KCNIP3: variants seen among roughly 807,000 people sequenced by gnomAD.
The protein encoded by KCNIP3 is potassium voltage-gated channel interacting protein 3.
In KCNIP3, 28 loss-of-function variants were observed where a neutral mutation model predicts 35.0. The observed-to-expected ratio is 0.80, with a 90% CI of 0.59 to 1.10. KCNIP3 has a LOEUF of 1.10. Among genes scored for constraint, KCNIP3 ranks in the 50% least tolerant of loss-of-function variants. The pLI, the probability that KCNIP3 is intolerant of heterozygous loss-of-function variation, is 0.00. For synonymous variants in KCNIP3, 134 were observed against 133.8 expected, an observed-to-expected ratio of 1.00 and a Z score of -0.01; for missense variants, 295 against 338.4, an observed-to-expected ratio of 0.87 and a Z score of 1.01.
intron 2 of KCNIP3, among the ~76,000 whole-genome samples, chr2:95,337,972 G>A (rs1483954792): frequency 6.6e-6 from 1 of 152,208 alleles, no homozygotes; most frequent in East Asian, 1.9e-4. Context: ...TGGAGGTGGT[G>A]GGGGAAGCAG....
intron 2 of KCNIP3, among the ~76,000 whole-genome samples, chr2:95,318,575 A>G (rs1469478110): frequency 6.6e-6 from 1 of 152,116 alleles, no homozygotes; most frequent in Non-Finnish European, 1.5e-5. Context: ...TGGGTGATCC[A>G]CAGCCAGCCA....
At chr2:95,366,153 A>G (rs915426247) in intron 2 of KCNIP3, among the ~76,000 whole-genome samples, 4 of 152,062 alleles carry the variant, frequency 2.6e-5, no homozygotes, top group African/African-American at 9.7e-5. Flanking sequence ...GCACCTGGCG[A>G]TATAGAACAA....
At position 95,382,584 on chromosome 2, in the gene KCNIP3, C is replaced by A; in HGVS notation, c.660+103C>A. 1.4e-6 allele frequency: 1 copy of A among 735,430 alleles called. No homozygotes were observed. The highest frequency in any genetic ancestry group is 2.2e-6 in the Non-Finnish European group (1 of 457,152). The allele number at this position is 735,430 out of a possible 1,614,324, so 45.6% of individuals were successfully genotyped here. ...AAGTGGCTTGCCCCTCTGAGCCTCC[C>A]TACTCCCCATGAGGAGGTTAAACTT... On this transcript the variant is annotated intron_variant, in intron 7 of 8. Coordinates refer to ENST00000295225, the MANE Select transcript of KCNIP3 (RefSeq NM_013434.5). This position sits in a 1 kb window ranked among gnomAD's most constrained non-coding sequence, Gnocchi z 4.5.
At chr2:95,327,374 T>C (rs1678820442) in intron 2 of KCNIP3, among the ~76,000 whole-genome samples, 1 of 151,930 alleles carries the variant, frequency 6.6e-6, no homozygotes, top group Non-Finnish European at 1.5e-5. Context: ...CTCACACACA[T>C]TCACACACAC....
chr2:95,310,874 C>A, intron 2 of KCNIP3: 1 of 329,960 alleles, frequency 3.0e-6, no homozygotes, highest in Non-Finnish European at 5.8e-6. Context: ...CCTCATTGAT[C>A]CTTTCTAAGC....
At chr2:95,359,558 G>A (rs1304598634) in intron 2 of KCNIP3, among the ~76,000 whole-genome samples, 1 of 152,176 alleles carries the variant, frequency 6.6e-6, no homozygotes, top group Non-Finnish European at 1.5e-5. Flanking sequence ...GGTCACGCTG[G>A]TAGCTCTGCA....
rs1680456754 is a variant in KCNIP3, at chr2:95,384,897, C to G, written c.*848C>G. 1 of 152,410 alleles carries G rather than the reference C, an allele frequency of 6.6e-6. No individual in the cohort carries two copies. Among genetic ancestry groups the G allele is most frequent in the African/African-American group, 2.4e-5 (1 of 41,460 alleles). The allele number at this position is 152,410 out of a possible 1,614,324, so 9.4% of individuals were successfully genotyped here. Reference sequence around the variant, plus strand: ...AATGCAGTGGGTGGGGCTGTACACACCCTCCAGCACAGACTGTTCCCTCCA... The same window carrying G: ...AATGCAGTGGGTGGGGCTGTACACAGCCTCCAGCACAGACTGTTCCCTCCA... On this transcript the variant is annotated 3_prime_UTR_variant, in exon 9 of 9. Transcript: ENST00000295225.
intron 2 of KCNIP3, among the ~76,000 whole-genome samples, chr2:95,326,110 TACAC>T (rs1049702866): frequency 2.0e-5 from 3 of 150,334 alleles, no homozygotes; most frequent in Non-Finnish European, 3.0e-5. Flanking sequence ...CATATACACA[TACAC>T]ATACACGCAC....
Position 95,374,303 on chromosome 2 carries a change from C to T in KCNIP3, c.189C>T (p.Ser63=), listed in dbSNP as rs368408153. The change falls in exon 3 of 9, where the codon AGC becomes AGT. Residue 63 remains serine, a synonymous_variant. Transcript: ENST00000295225. ...GTCTGTGTCCCACTCCAGATAGCAG[C>T]GACAGTGAGCTGGAGCTGTCCACGG... is the stretch of plus-strand genomic sequence containing the variant. ...SSTAPQGSDS[S]DSELELSTVR... is the part of the protein sequence containing the mutation. 2.2e-5 allele frequency: 36 copies of T among 1,613,692 alleles called. No homozygotes were observed. The African/African-American group carries it at 2.8e-4, about 13-fold the overall frequency.
chr2:95,326,239 ACACACAACACTCACACATACACT>A (rs1169015118), intron 2 of KCNIP3, among the ~76,000 whole-genome samples: 1 of 109,948 alleles, frequency 9.1e-6, no homozygotes, highest in African/African-American at 4.2e-5. Flanking sequence ...ACACATACAC[ACACACAACACTCACACATACACT>A]CACACATACA....
chr2:95,375,084 G>A, intron 4 of KCNIP3, 54 bp from the exon 5 acceptor site: 1 of 1,580,298 alleles, frequency 6.3e-7, no homozygotes, highest in Non-Finnish European at 8.7e-7. Context: ...TGGGGTGGGA[G>A]ATGAGCCGCC....
At chr2:95,320,405 C>G (rs1324342824) in intron 2 of KCNIP3, among the ~76,000 whole-genome samples, 3 of 152,004 alleles carry the variant, frequency 2.0e-5, no homozygotes, top group African/African-American at 7.2e-5. Context: ...CTGGAGGGGT[C>G]GGGGAGGAGG....
At chr2:95,324,996 C>G (rs1420622493) in intron 2 of KCNIP3, among the ~76,000 whole-genome samples, 4 of 152,192 alleles carry the variant, frequency 2.6e-5, no homozygotes, top group African/African-American at 9.7e-5. Context: ...GGTGACAAAC[C>G]CCTGGCTGGC....
At chr2:95,299,579 G>A in intron 1 of KCNIP3, among the ~76,000 whole-genome samples, 1 of 152,228 alleles carries the variant, frequency 6.6e-6, no homozygotes, top group East Asian at 1.9e-4. Flanking sequence ...AACAGCTCCA[G>A]GACTCCATGA....
intron 2 of KCNIP3, among the ~76,000 whole-genome samples, chr2:95,365,180 G>A (rs1021375267): frequency 2.6e-5 from 1 of 38,882 alleles, no homozygotes; most frequent in African/African-American, 1.0e-4. Flanking sequence ...TTTTTTTTTT[G>A]AGACAGAGTC....
At chr2:95,324,095 G>A (rs1402551150) in intron 2 of KCNIP3, among the ~76,000 whole-genome samples, 3 of 152,226 alleles carry the variant, frequency 2.0e-5, no homozygotes, top group African/African-American at 7.2e-5. Flanking sequence ...GTGGGCTGGC[G>A]GGGCCTCTGT....
chr2:95,368,422 T>A (rs1283675107), intron 2 of KCNIP3: 1 of 161,940 alleles, frequency 6.2e-6, no homozygotes, highest in East Asian at 1.6e-4. Flanking sequence ...TAAATTGGGT[T>A]GAGCATATAC....
At chr2:95,306,997 T>A (rs889199280) in intron 1 of KCNIP3, among the ~76,000 whole-genome samples, 3 of 152,174 alleles carry the variant, frequency 2.0e-5, no homozygotes, top group Non-Finnish European at 4.4e-5. Flanking sequence ...CGCAGCCTGA[T>A]GAGTCCCAGC....
At chr2:95,337,644 T>C (rs1361168952) in intron 2 of KCNIP3, among the ~76,000 whole-genome samples, 1 of 152,218 alleles carries the variant, frequency 6.6e-6, no homozygotes, top group Non-Finnish European at 1.5e-5. Flanking sequence ...CTGAGACATA[T>C]GCACTACTAT....
Sources: allele counts gnomAD v4.1 joint callset (sites outside exome capture counted in the v4.1 genomes callset), GRCh38; gene constraint gnomAD v4.1.1; non-coding constraint Gnocchi (gnomAD v3.1); transcripts MANE v1.5; gene names NCBI Gene and HGNC (gene_info 2026-07-23, HGNC 2026-07-21).